Variants in CFAP61 observed in about 807,000 individuals in gnomAD.
CFAP61 encodes the protein cilia and flagella associated protein 61.
In CFAP61, 107 loss-of-function variants were observed where a neutral mutation model predicts 135.6. That is an observed-to-expected ratio of 0.79 (90% confidence interval 0.67 to 0.93). The LOEUF (loss-of-function observed/expected upper bound fraction) is 0.93, where lower values mean the gene tolerates loss of function less well. Ranked by LOEUF, CFAP61 falls within the 40% of genes least tolerant of loss-of-function variation. The pLI, the probability that CFAP61 is intolerant of heterozygous loss-of-function variation, is 0.00. For missense variants in CFAP61, 1,507 were observed against 1,556.2 expected, an observed-to-expected ratio of 0.97 and a Z score of 0.53; for synonymous variants, 575 against 578.5, an observed-to-expected ratio of 0.99 and a Z score of 0.09.
chr20:20,146,517 A>G (rs1041736619), intron 9 of CFAP61, among the ~76,000 whole-genome samples: 2 of 152,210 alleles, frequency 1.3e-5, no homozygotes, highest in African/African-American at 2.4e-5. Context: ...ACAATACTCT[A>G]TGATTTTTAG....
intron 26 of CFAP61, among the ~76,000 whole-genome samples, chr20:20,343,554 G>A (rs960568180): frequency 2.6e-5 from 4 of 152,150 alleles, no homozygotes; most frequent in Non-Finnish European, 5.9e-5. Context: ...CTTAACCCAG[G>A]GCTGCAGGAG....
intron 17 of CFAP61, among the ~76,000 whole-genome samples, chr20:20,215,986 A>G (rs1248187185): frequency 6.6e-6 from 1 of 152,172 alleles, no homozygotes; most frequent in East Asian, 1.9e-4. Context: ...TGCCTGTTTG[A>G]TAAATGTTTA....
intron 25 of CFAP61, among the ~76,000 whole-genome samples, chr20:20,301,087 G>T (rs574415204): frequency 2.6e-5 from 4 of 152,142 alleles, no homozygotes; most frequent in African/African-American, 4.8e-5. Flanking sequence ...AATATCTTCG[G>T]TATTGTATGA....
At chr20:20,189,067 T>G (rs2055720127) in intron 14 of CFAP61, among the ~76,000 whole-genome samples, 1 of 152,262 alleles carries the variant, frequency 6.6e-6, no homozygotes, top group Non-Finnish European at 1.5e-5. Flanking sequence ...CATTTATTTC[T>G]TCATTCTACT....
chr20:20,191,503 A>T, intron 15 of CFAP61, 84 bp downstream of exon 15: 1 of 910,820 alleles, frequency 1.1e-6, no homozygotes, highest in Non-Finnish European at 1.7e-6. Flanking sequence ...TTGGAGTTGT[A>T]CTTTTACTTA....
At chr20:20,100,612 C>T (rs1210164600) in intron 8 of CFAP61, among the ~76,000 whole-genome samples, 1 of 152,104 alleles carries the variant, frequency 6.6e-6, no homozygotes, top group Non-Finnish European at 1.5e-5. Context: ...CAAAGTAAGT[C>T]CTGAACATTT....
At chr20:20,203,691 C>T (rs1279321775) in intron 17 of CFAP61, among the ~76,000 whole-genome samples, 4 of 152,072 alleles carry the variant, frequency 2.6e-5, no homozygotes, top group African/African-American at 4.8e-5. Flanking sequence ...TAAAGACAGC[C>T]GAACAAGCTG....
chr20:20,167,094 A>T (rs1344533193), intron 12 of CFAP61, among the ~76,000 whole-genome samples: 2 of 152,232 alleles, frequency 1.3e-5, no homozygotes, highest in African/African-American at 2.4e-5. Flanking sequence ...ATGCATTTTT[A>T]TAAAGACAGG....
At chr20:20,208,836 C>T (rs1042473168) in intron 17 of CFAP61, among the ~76,000 whole-genome samples, 3 of 152,160 alleles carry the variant, frequency 2.0e-5, no homozygotes, top group Non-Finnish European at 2.9e-5. Flanking sequence ...CACATCCATC[C>T]ACTGTGTCTA....
intron 20 of CFAP61, among the ~76,000 whole-genome samples, chr20:20,254,954 C>T (rs2051406174): frequency 6.6e-6 from 1 of 152,174 alleles, no homozygotes; most frequent in Non-Finnish European, 1.5e-5. Context: ...CTCTCCCAGC[C>T]CACTCTTCCT....
intron 18 of CFAP61, among the ~76,000 whole-genome samples, chr20:20,241,297 G>A (rs549015979): frequency 6.6e-6 from 1 of 152,154 alleles, no homozygotes; most frequent in South Asian, 2.1e-4. Flanking sequence ...AACAAGAGGG[G>A]TTACAGTAGA....
At chr20:20,350,573 G>A (rs1208582468) in intron 26 of CFAP61, among the ~76,000 whole-genome samples, 1 of 150,870 alleles carries the variant, frequency 6.6e-6, no homozygotes, top group East Asian at 2.0e-4. Flanking sequence ...ATGTTGCAAT[G>A]AGCCGAGATC....
intron 3 of CFAP61, among the ~76,000 whole-genome samples, chr20:20,072,030 C>T (rs1189950471): frequency 6.7e-6 from 1 of 148,154 alleles, no homozygotes; most frequent in Non-Finnish European, 1.5e-5. Context: ...TAGAGCTAAC[C>T]TCAAAGGTTA....
chr20:20,249,806 A>G (rs1005167886), intron 19 of CFAP61, among the ~76,000 whole-genome samples: 1 of 152,218 alleles, frequency 6.6e-6, no homozygotes, highest in Admixed American at 6.5e-5. Flanking sequence ...GCCTCATAAA[A>G]TGAATCCCTG....
At chr20:20,278,554 G>A (rs1463828691) in intron 22 of CFAP61, among the ~76,000 whole-genome samples, 1 of 151,536 alleles carries the variant, frequency 6.6e-6, no homozygotes, top group Non-Finnish European at 1.5e-5. Context: ...TAACGGTTGT[G>A]ATAAAGAATG....
intron 8 of CFAP61, among the ~76,000 whole-genome samples, chr20:20,120,078 G>C (rs1000476142): frequency 3.9e-5 from 6 of 152,168 alleles, no homozygotes; most frequent in African/African-American, 1.2e-4. Flanking sequence ...TGAATATACT[G>C]TGCATGTGTC....
In CFAP61 at chr20:20,306,221, A is replaced by T. The variant is rs535269224; in HGVS notation, c.3422+7835A>T. 1.4e-4 allele frequency among the ~76,000 whole-genome samples: 21 copies of T among 152,360 alleles called. No individual in the cohort carries two copies. In the South Asian group the frequency reaches 4.4e-3, roughly 32 times the overall value. ...TTCAGATATTCATGCCAAAGATGAT[A>T]GTGTGGAAGAAAAACAGACTCACCC... On this transcript the variant is annotated intron_variant, in intron 25 of 26. Coordinates refer to ENST00000245957, the MANE Select transcript of CFAP61 (RefSeq NM_015585.4).
intron 26 of CFAP61, among the ~76,000 whole-genome samples, chr20:20,357,200 A>AGG (rs2059241999): frequency 3.4e-5 from 1 of 29,820 alleles, no homozygotes; most frequent in African/African-American, 1.1e-4. Context: ...ACTGTGAGTG[A>AGG]GGAGGTAGTC....
chr20:20,244,519 T>C lies in CFAP61; in HGVS notation c.2061-1598T>C, dbSNP rs918195840. Among the ~76,000 whole-genome samples the C allele has an allele frequency of 2.0e-5, 3 of 152,156 alleles. No homozygotes were observed. In the East Asian group the frequency reaches 5.8e-4, roughly 29 times the overall value. On this transcript the variant is annotated intron_variant, in intron 18 of 26. Transcript: ENST00000245957. ...GCCTCTTTCAGCCATGGCTGGAGTG[T>C]CTGGAATGCAGGGCACCAAGTCCCT...
Sources: gnomAD v4.1 joint callset for allele counts (sites outside exome capture counted in the v4.1 genomes callset) on GRCh38, gnomAD v4.1.1 for gene constraint, MANE v1.5 for transcripts, NCBI Gene and HGNC (gene_info 2026-07-23, HGNC 2026-07-21) for gene names.